The following XPNPEP1 variants were observed in gnomAD, a reference collection of about 807,000 sequenced individuals.
XPNPEP1 encodes the protein xaa-Pro aminopeptidase 1.
XPNPEP1 carries 39 observed loss-of-function variants against 92.4 expected under a neutral mutation model. The observed-to-expected ratio is 0.42, with a 90% CI of 0.33 to 0.55. XPNPEP1 has a LOEUF of 0.55. Among genes scored for constraint, XPNPEP1 ranks in the 20% least tolerant of loss-of-function variants. The pLI, the probability that XPNPEP1 is intolerant of heterozygous loss-of-function variation, is 0.08. For synonymous variants in XPNPEP1, 307 were observed against 299.4 expected, an observed-to-expected ratio of 1.03 and a Z score of -0.26; for missense variants, 654 against 856.1, an observed-to-expected ratio of 0.76 and a Z score of 2.95.
At chr10:109,906,096 T>C (rs931127044) in intron 3 of XPNPEP1, among the ~76,000 whole-genome samples, 5 of 152,152 alleles carry the variant, frequency 3.3e-5, no homozygotes, top group African/African-American at 1.2e-4. Flanking sequence ...TTTGTGATCT[T>C]TGCTCAACTT....
rs1367052240 is a variant in XPNPEP1, at chr10:109,873,230, A to G, written c.1452+137T>C. The stretch of plus-strand genomic sequence containing the variant: ...TTAAATGAACCTCGTAAAGCAGATA[A>G]GCCTGACTCCACAGCAAGGAGCAAT... On this transcript the variant is annotated intron_variant, in intron 16 of 20. Transcript: ENST00000502935. The G allele has an allele frequency of 7.4e-6, 7 of 944,970 alleles. No individual in the cohort carries two copies. The East Asian group carries it at 1.7e-4, about 23-fold the overall frequency. The allele number at this position is 944,970 out of a possible 1,614,324, so 58.5% of individuals were successfully genotyped here. A position where few individuals can be genotyped will look rare whatever the true frequency, so the allele number is the denominator to read the frequency against.
chr10:109,916,036 G>C (rs1850168924), intron 1 of XPNPEP1, among the ~76,000 whole-genome samples: 2 of 152,144 alleles, frequency 1.3e-5, no homozygotes, highest in Non-Finnish European at 2.9e-5. Flanking sequence ...CAGGGGGATG[G>C]GCAGAAGACA....
At chr10:109,886,208 C>T (rs752191583) in intron 8 of XPNPEP1, 38 bp downstream of exon 8, 9 of 1,594,848 alleles carry the variant, frequency 5.6e-6, no homozygotes, top group South Asian at 4.4e-5. Context: ...AAGGAGAGAT[C>T]GGGTAACATG....
chr10:109,874,940 C>G (rs1847697752), intron 15 of XPNPEP1, among the ~76,000 whole-genome samples: 1 of 152,114 alleles, frequency 6.6e-6, no homozygotes, highest in African/African-American at 2.4e-5. Context: ...CAGAGTGAGA[C>G]TCTGTCTCAA....
chr10:109,881,040 G>A, intron 10 of XPNPEP1, 109 bp from the exon 11 acceptor site: 1 of 1,077,760 alleles, frequency 9.3e-7, no homozygotes, highest in South Asian at 1.5e-5. Flanking sequence ...ATCATTTGAA[G>A]AGCTCCCACT....
intron 5 of XPNPEP1, 118 bp from the exon 6 acceptor site, chr10:109,888,713 A>G: frequency 2.7e-6 from 2 of 733,392 alleles, no homozygotes; most frequent in Non-Finnish European, 4.1e-6. Flanking sequence ...CAGCTTCTTT[A>G]AAGTGGATTG....
In XPNPEP1 at chr10:109,865,041, G is replaced by A; in HGVS notation, c.*143C>T. ...TGCAATAAAATATCAAAGAGGATAA[G>A]AAGATTTTCTGTTCTTCTTAAAGTC... On this transcript the variant is annotated 3_prime_UTR_variant, in exon 21 of 21. Coordinates refer to ENST00000502935, the MANE Select transcript of XPNPEP1 (RefSeq NM_020383.4). 8.4e-7 allele frequency: 1 copy of A among 1,184,002 alleles called. No individual in the cohort carries two copies. Among genetic ancestry groups the A allele is most frequent in the Non-Finnish European group, 1.2e-6 (1 of 844,610 alleles). 73.3% of individuals were successfully genotyped at this position (1,184,002 alleles called of 1,614,324 possible). A position where few individuals can be genotyped will look rare whatever the true frequency, so the allele number is the denominator to read the frequency against.
intron 1 of XPNPEP1, among the ~76,000 whole-genome samples, chr10:109,916,378 T>TG: frequency 6.6e-6 from 1 of 152,234 alleles, no homozygotes; most frequent in South Asian, 2.1e-4. Context: ...TATCAGGGGA[T>TG]GGGGAGGTAA....
chr10:109,869,982 C>T lies in XPNPEP1; in HGVS notation c.1744G>A (p.Val582Ile). ...GTCTTCACAGGAACCACAAGGACAACATTCTCAATGCGAATTCCAAAAGCC... is the reference window on the plus strand; with the variant it reads ...GTCTTCACAGGAACCACAAGGACAATATTCTCAATGCGAATTCCAAAAGCC... Reference protein sequence around the residue: ...DGAFGIRIENVVLVVPVKTKY... With the variant: ...DGAFGIRIENIVLVVPVKTKY... The change falls in exon 19 of 21, where the codon GTT (valine) becomes ATT (isoleucine). Residue 582 changes from valine to isoleucine, a missense_variant. Val to Ile is a conservative substitution (Grantham distance 29). Coordinates refer to ENST00000502935, the MANE Select transcript of XPNPEP1 (RefSeq NM_020383.4). 1 of 1,614,202 alleles carries T rather than the reference C, an allele frequency of 6.2e-7. No homozygotes were observed. The highest frequency in any genetic ancestry group is 2.2e-5 in the East Asian group (1 of 44,890).
At chr10:109,902,817 G>T (rs1260109250) in intron 3 of XPNPEP1, among the ~76,000 whole-genome samples, 1 of 152,210 alleles carries the variant, frequency 6.6e-6, no homozygotes, top group Admixed American at 6.5e-5. Flanking sequence ...TAGAGCCTCA[G>T]TTTCCTCATG....
intron 1 of XPNPEP1, among the ~76,000 whole-genome samples, chr10:109,917,893 G>A (rs1029444119): frequency 1.2e-4 from 18 of 152,164 alleles, no homozygotes; most frequent in African/African-American, 4.1e-4. Flanking sequence ...GCTGGGACAA[G>A]TGAATATCCA....
chr10:109,878,628 C>T (rs1043029639), intron 12 of XPNPEP1, among the ~76,000 whole-genome samples: 3 of 152,078 alleles, frequency 2.0e-5, no homozygotes, highest in African/African-American at 7.2e-5. Flanking sequence ...TGGCTCACAC[C>T]TATAATCCTA....
chr10:109,920,214 G>T (rs1403481033), intron 1 of XPNPEP1, among the ~76,000 whole-genome samples: 2 of 152,170 alleles, frequency 1.3e-5, no homozygotes, highest in African/African-American at 4.8e-5. Context: ...GTTGGTGGTT[G>T]CCAAGGGCTG....
At chr10:109,917,713 T>C (rs999811738) in intron 1 of XPNPEP1, among the ~76,000 whole-genome samples, 2 of 152,126 alleles carry the variant, frequency 1.3e-5, no homozygotes, top group African/African-American at 2.4e-5. Flanking sequence ...AACTCTTCCA[T>C]CCCAATTTCA....
intron 4 of XPNPEP1, among the ~76,000 whole-genome samples, chr10:109,892,311 A>T (rs1483371689): frequency 6.6e-6 from 1 of 152,124 alleles, no homozygotes; most frequent in Admixed American, 6.5e-5. Context: ...TATGCCTCCT[A>T]CCTTTATCTG....
intron 3 of XPNPEP1, among the ~76,000 whole-genome samples, chr10:109,906,018 T>C (rs1294016120): frequency 6.6e-6 from 1 of 152,208 alleles, no homozygotes; most frequent in African/African-American, 2.4e-5. Context: ...AGGCCTGACC[T>C]TGTCGCAACC....
intron 5 of XPNPEP1, among the ~76,000 whole-genome samples, chr10:109,890,571 TGTGTGTGTGTGTGTGTGTGTGTGAGAGA>T: frequency 1.1e-5 from 1 of 89,082 alleles, no homozygotes; most frequent in East Asian, 4.6e-4. Flanking sequence ...TGTGTGTGTG[TGTGTGTGTGTGTGTGTGTGTGTGAGAGA>T]GAGAGAGAGA....
intron 10 of XPNPEP1, among the ~76,000 whole-genome samples, chr10:109,881,613 C>T (rs1035245720): frequency 1.3e-5 from 2 of 152,196 alleles, no homozygotes; most frequent in African/African-American, 2.4e-5. Context: ...GGTACAATGG[C>T]AAGCCAGATC....
chr10:109,905,993 T>A (rs1206878816), intron 3 of XPNPEP1, among the ~76,000 whole-genome samples: 1 of 152,232 alleles, frequency 6.6e-6, no homozygotes, highest in Middle Eastern at 3.2e-3. Context: ...GGTTGAGTTG[T>A]TCCCAGGTTA....
Sources: gnomAD v4.1 joint callset for allele counts (sites outside exome capture counted in the v4.1 genomes callset) on GRCh38, gnomAD v4.1.1 for gene constraint, MANE v1.5 for transcripts, NCBI Gene and HGNC (gene_info 2026-07-23, HGNC 2026-07-21) for gene names.